Variants in SEZ6L observed in about 807,000 individuals in gnomAD.
SEZ6L encodes seizure related 6 homolog like.
A neutral mutation model predicts 106.2 loss-of-function variants in SEZ6L; 37 were observed. That is an observed-to-expected ratio of 0.35 (90% CI 0.27 to 0.46). The LOEUF (loss-of-function observed/expected upper bound fraction) is 0.46, where lower values mean the gene tolerates loss of function less well. Ranked by LOEUF, SEZ6L falls within the 20% of genes least tolerant of loss-of-function variation. The pLI is 1.00. For synonymous variants in SEZ6L, 541 were observed against 570.4 expected (o/e 0.95, Z 0.73); for missense variants, 1,172 against 1,332.8 (o/e 0.88, Z 1.88).
intron 9 of SEZ6L, among the ~76,000 whole-genome samples, chr22:26,319,115 T>A (rs1308562323): frequency 6.6e-6 from 1 of 152,200 alleles, no homozygotes; most frequent in Non-Finnish European, 1.5e-5. Context: ...GCACACTCAC[T>A]GTGAACTGGA....
chr22:26,229,672 C>T (rs981007756), intron 1 of SEZ6L, among the ~76,000 whole-genome samples: 38 of 152,186 alleles, frequency 2.5e-4, no homozygotes, highest in Non-Finnish European at 5.0e-4. Flanking sequence ...TTACAAAACA[C>T]CAAGGCATAG....
At chr22:26,239,824 T>C (rs2079058603) in intron 1 of SEZ6L, among the ~76,000 whole-genome samples, 1 of 152,104 alleles carries the variant, frequency 6.6e-6, no homozygotes, top group African/African-American at 2.4e-5. Flanking sequence ...TGACCTTCTG[T>C]TGCTGCATGC....
rs576678136 is a variant in SEZ6L, at chr22:26,186,511, A to G, written c.94+16748A>G. Reference sequence around the variant, plus strand: ...AGAGTAGGGGTGGGGAGGTTAGTGGATGGAAAACTACTGAAAGGAAACATC... The same window carrying G: ...AGAGTAGGGGTGGGGAGGTTAGTGGGTGGAAAACTACTGAAAGGAAACATC... On this transcript the variant is annotated intron_variant, in intron 1 of 16. Coordinates refer to ENST00000248933, the MANE Select transcript of SEZ6L (RefSeq NM_021115.5). Among the ~76,000 whole-genome samples the G allele has an allele frequency of 1.6e-3, 248 of 152,172 alleles. 1 individual carries two copies. The highest frequency in any genetic ancestry group is 5.7e-3 in the African/African-American group (235 of 41,526).
intron 14 of SEZ6L, 97 bp from the exon 15 acceptor site, chr22:26,375,478 G>T: frequency 1.1e-6 from 1 of 934,708 alleles, no homozygotes; most frequent in Non-Finnish European, 1.7e-6. Context: ...TTAGACCTTG[G>T]AAAGCCGTCT....
rs79033116 is a variant in SEZ6L at position 26,243,160 on chromosome 22, C to A, written c.95-49246C>A. Among the ~76,000 whole-genome samples the A allele has an allele frequency of 8.1e-3, 1,240 of 152,286 alleles. 21 individuals are homozygous for A. Among genetic ancestry groups the A allele is most frequent in the African/African-American group, 0.027 (1,141 of 41,546 alleles). On this transcript the variant is annotated intron_variant, in intron 1 of 16. Transcript: ENST00000248933. ...CCACTGTAATTCTGAATGATCTCAT[C>A]TTAACTTGATTATATCTGCAATGAC...
At chr22:26,373,349 A>G (rs1334764057) in intron 13 of SEZ6L, 102 bp from the exon 14 acceptor site, 1 of 996,864 alleles carries the variant, frequency 1.0e-6, no homozygotes, top group East Asian at 2.4e-5. Flanking sequence ...TAACTTCACC[A>G]AAGCATGGCA....
intron 14 of SEZ6L, among the ~76,000 whole-genome samples, chr22:26,374,312 T>G (rs1221292107): frequency 6.6e-6 from 1 of 151,902 alleles, no homozygotes; most frequent in Non-Finnish European, 1.5e-5. Flanking sequence ...TTATTATTCC[T>G]GGAGCCATCT....
Position 26,381,110 on chromosome 22 carries a change from T to C in SEZ6L, c.*815T>C, listed in dbSNP as rs867244387. The C allele has an allele frequency of 6.6e-6, 1 of 152,158 alleles. No individual in the cohort carries two copies. The highest frequency in any genetic ancestry group is 6.5e-5 in the Admixed American group (1 of 15,270). The allele number at this position is 152,158 out of a possible 1,614,324, so 9.4% of individuals were successfully genotyped here. Reference sequence around the variant, plus strand: ...CAATGATGAAAGAGCGTGTAATTTATGCTACAAGTGCCAGAATCGATCACC... The same window carrying C: ...CAATGATGAAAGAGCGTGTAATTTACGCTACAAGTGCCAGAATCGATCACC... On this transcript the variant is annotated 3_prime_UTR_variant, in exon 17 of 17. Coordinates refer to ENST00000248933, the MANE Select transcript of SEZ6L (RefSeq NM_021115.5).
Position 26,304,135 on chromosome 22 carries a change from C to T in SEZ6L, c.1349-1844C>T, listed in dbSNP as rs1455861925. Among the ~76,000 whole-genome samples, 5 of 151,950 alleles carry T rather than the reference C, an allele frequency of 3.3e-5. No homozygotes were observed. In the South Asian group the frequency reaches 6.3e-4, roughly 19 times the overall value. ...TTGGGAGGCCAAGGCAGGTGGATCA[C>T]GAGGTCAGGAGTTCGAGACCAGCCT... On this transcript the variant is annotated intron_variant, in intron 5 of 16. Transcript: ENST00000248933.
chr22:26,260,679 C>T (rs1030041589), intron 1 of SEZ6L, among the ~76,000 whole-genome samples: 24 of 152,084 alleles, frequency 1.6e-4, no homozygotes, highest in African/African-American at 5.8e-4. Flanking sequence ...GCGAATTGTG[C>T]TGCTATAATC....
chr22:26,372,692 C>T (rs1412634441), intron 13 of SEZ6L, among the ~76,000 whole-genome samples: 1 of 152,108 alleles, frequency 6.6e-6, no homozygotes, highest in Non-Finnish European at 1.5e-5. Context: ...TATTTTTGTG[C>T]TTAGCTACCA....
At chr22:26,366,980 T>A (rs1382945083) in intron 13 of SEZ6L, among the ~76,000 whole-genome samples, 1 of 152,128 alleles carries the variant, frequency 6.6e-6, no homozygotes, top group Non-Finnish European at 1.5e-5. Context: ...GTCTTCAACA[T>A]CCTATTTTTC....
chr22:26,187,773 G>C (rs1939881269), intron 1 of SEZ6L, among the ~76,000 whole-genome samples: 1 of 152,172 alleles, frequency 6.6e-6, no homozygotes, highest in Non-Finnish European at 1.5e-5. Flanking sequence ...CTGGCTCTCA[G>C]TTTAATGTAG....
chr22:26,266,551 C>T (rs2080191003), intron 1 of SEZ6L, among the ~76,000 whole-genome samples: 1 of 150,960 alleles, frequency 6.6e-6, no homozygotes, highest in African/African-American at 2.4e-5. Context: ...CCCGCCTGGG[C>T]AAAAGAGCGA....
At chr22:26,273,759 T>A (rs2059191148) in intron 1 of SEZ6L, among the ~76,000 whole-genome samples, 1 of 152,162 alleles carries the variant, frequency 6.6e-6, no homozygotes, top group South Asian at 2.1e-4. Context: ...GATTACAGGA[T>A]GACTGGGAGC....
chr22:26,243,691 G>A (rs1028773765), intron 1 of SEZ6L, among the ~76,000 whole-genome samples: 5 of 152,196 alleles, frequency 3.3e-5, no homozygotes, highest in Admixed American at 1.3e-4. Flanking sequence ...TAGCTGATGC[G>A]TTGAGAAGAG....
Position 26,293,046 on chromosome 22 carries a change from A to G in SEZ6L, c.735A>G (p.Lys245=). ...CCAGCCCCATGGCCCTGATGGACAA[A>G]GGTGAGAATGAGCTGACTGGGTCAG... ...EDTSPMALMD[K]GENELTGSAS... Residue 245 remains lysine, a synonymous_variant, in exon 2 of 17, where the codon AAA becomes AAG. Transcript: ENST00000248933. 2 of 1,614,076 alleles carry G rather than the reference A, an allele frequency of 1.2e-6. No homozygotes were observed. Among genetic ancestry groups the G allele is most frequent in the South Asian group, 1.1e-5 (1 of 91,090 alleles).
chr22:26,200,759 T>C (rs1293295658), intron 1 of SEZ6L, among the ~76,000 whole-genome samples: 2 of 152,198 alleles, frequency 1.3e-5, no homozygotes, highest in Non-Finnish European at 2.9e-5. Context: ...TGATTAAACA[T>C]ACTCTGTGCC....
At chr22:26,216,638 A>ATG (rs2078307794) in intron 1 of SEZ6L, among the ~76,000 whole-genome samples, 1 of 151,520 alleles carries the variant, frequency 6.6e-6, no homozygotes, top group African/African-American at 2.4e-5. Flanking sequence ...CCTTGGTGAC[A>ATG]GAGTGAGACT....
Sources: allele counts gnomAD v4.1 joint callset (sites outside exome capture counted in the v4.1 genomes callset), GRCh38; gene constraint gnomAD v4.1.1; transcripts MANE v1.5; gene names NCBI Gene and HGNC (gene_info 2026-07-23, HGNC 2026-07-21).